LRRC8D: variants seen among roughly 807,000 people sequenced by gnomAD.
The protein encoded by LRRC8D is leucine rich repeat containing 8 VRAC subunit D, also known as volume-regulated anion channel subunit LRRC8D.
In LRRC8D, 20 loss-of-function variants were observed where a neutral mutation model predicts 55.8. The ratio of observed to expected loss-of-function variants is 0.36; its 90% CI spans 0.25 to 0.52. The LOEUF (loss-of-function observed/expected upper bound fraction) is 0.52, where lower values mean the gene tolerates loss of function less well. Among genes scored for constraint, LRRC8D ranks in the 20% least tolerant of loss-of-function variants. The probability of loss-of-function intolerance (pLI) is 0.93; values close to 1 mark genes in which losing one functional copy is unlikely to be tolerated. For synonymous variants in LRRC8D, 352 were observed against 377.0 expected (o/e 0.93, Z 0.77); for missense variants, 651 against 1,030.8 (o/e 0.63, Z 5.05).
chr1:89,882,446 A>G (rs907164245), intron 2 of LRRC8D, among the ~76,000 whole-genome samples: 2 of 152,236 alleles, frequency 1.3e-5, no homozygotes, highest in Non-Finnish European at 2.9e-5. Flanking sequence ...TAATACCTTT[A>G]TATTTACTCT....
At chr1:89,860,750 CTA>C (rs377471235) in intron 2 of LRRC8D, among the ~76,000 whole-genome samples, 26,407 of 75,182 alleles carry the variant, frequency 0.35, 3,986 homozygotes, top group African/African-American at 0.45. Context: ...GAGCAAGACT[CTA>C]TCTCAAAAAA....
chr1:89,862,827 T>C (rs528341205), intron 2 of LRRC8D, among the ~76,000 whole-genome samples: 8 of 152,332 alleles, frequency 5.3e-5, no homozygotes, highest in South Asian at 4.2e-4. Flanking sequence ...GATTTTACTG[T>C]AACAAATGAT....
At chr1:89,860,785 A>AAAAAAAAAATATATATATAT (rs1553123917) in intron 2 of LRRC8D, among the ~76,000 whole-genome samples, 1 of 28,198 alleles carries the variant, frequency 3.5e-5, no homozygotes, top group African/African-American at 1.0e-4. Flanking sequence ...AAAAAAAAAA[A>AAAAAAAAAATATATATATAT]ATATATATAT....
intron 2 of LRRC8D, among the ~76,000 whole-genome samples, chr1:89,897,448 G>T (rs1169682407): frequency 7.9e-5 from 12 of 152,100 alleles, no homozygotes. Context: ...AGATTGAGTT[G>T]GTGTAGTATA....
At chr1:89,905,544 C>A (rs764110258) in intron 2 of LRRC8D, among the ~76,000 whole-genome samples, 1 of 152,198 alleles carries the variant, frequency 6.6e-6, no homozygotes, top group Non-Finnish European at 1.5e-5. Flanking sequence ...CCTCTTTCCA[C>A]ACCAGTTAGA....
chr1:89,851,349 G>C (rs1195539820), intron 2 of LRRC8D, among the ~76,000 whole-genome samples: 1 of 152,094 alleles, frequency 6.6e-6, no homozygotes, highest in Non-Finnish European at 1.5e-5. Context: ...GTTTCAGCTT[G>C]ATTTTCTCCA....
chr1:89,845,526 G>T (rs781191894), intron 2 of LRRC8D, among the ~76,000 whole-genome samples: 2 of 151,926 alleles, frequency 1.3e-5, no homozygotes, highest in Non-Finnish European at 2.9e-5. Context: ...AATCTCTGCC[G>T]CCTGGGTTCA....
chr1:89,876,752 A>T (rs1424416140), intron 2 of LRRC8D, among the ~76,000 whole-genome samples: 1 of 152,248 alleles, frequency 6.6e-6, no homozygotes, highest in African/African-American at 2.4e-5. Context: ...GATGCTTTGC[A>T]CTACACTGAT....
At chr1:89,929,540 C>G (rs965962361) in intron 2 of LRRC8D, among the ~76,000 whole-genome samples, 6 of 152,212 alleles carry the variant, frequency 3.9e-5, no homozygotes, top group Non-Finnish European at 8.8e-5. Flanking sequence ...CCTCAGTACA[C>G]TGACTTTCAA....
intron 2 of LRRC8D, among the ~76,000 whole-genome samples, chr1:89,915,016 CTG>C (rs56870719): frequency 0.058 from 8,399 of 144,076 alleles, 230 homozygotes; most frequent in East Asian, 0.11. Context: ...TCTTGCTCTA[CTG>C]TGTGTGTGTG....
intron 2 of LRRC8D, among the ~76,000 whole-genome samples, chr1:89,902,697 G>C (rs1325320386): frequency 6.6e-6 from 1 of 151,750 alleles, no homozygotes; most frequent in Non-Finnish European, 1.5e-5. Flanking sequence ...CTAATTTTTT[G>C]TATTTTTAGT....
intron 1 of LRRC8D, among the ~76,000 whole-genome samples, chr1:89,823,043 A>G (rs1424724021): frequency 6.6e-6 from 1 of 152,222 alleles, no homozygotes; most frequent in Non-Finnish European, 1.5e-5. Flanking sequence ...CTATGGAGCC[A>G]GGGAAAAATT....
intron 2 of LRRC8D, among the ~76,000 whole-genome samples, chr1:89,896,214 T>C (rs1400044281): frequency 6.6e-6 from 1 of 151,682 alleles, no homozygotes; most frequent in East Asian, 1.9e-4. Flanking sequence ...GACTCCCTTG[T>C]GGGTGAGTGG....
At chr1:89,836,649 T>C (rs1258547915) in intron 1 of LRRC8D, among the ~76,000 whole-genome samples, 1 of 152,236 alleles carries the variant, frequency 6.6e-6, no homozygotes, top group Non-Finnish European at 1.5e-5. Context: ...GTCTTAACAT[T>C]TTAAACATGT....
At chr1:89,870,347 G>A (rs572979925) in intron 2 of LRRC8D, among the ~76,000 whole-genome samples, 2 of 149,130 alleles carry the variant, frequency 1.3e-5, no homozygotes, top group Non-Finnish European at 3.0e-5. Flanking sequence ...GTGGTGGCAC[G>A]TGCCTGTAGT....
intron 2 of LRRC8D, among the ~76,000 whole-genome samples, chr1:89,859,678 G>T (rs1661650029): frequency 6.6e-6 from 1 of 152,170 alleles, no homozygotes; most frequent in Non-Finnish European, 1.5e-5. Context: ...GGAAAGGATT[G>T]ATAGGCCCTA....
At chr1:89,856,297 T>C (rs539495136) in intron 2 of LRRC8D, among the ~76,000 whole-genome samples, 9 of 152,246 alleles carry the variant, frequency 5.9e-5, no homozygotes, top group Admixed American at 3.9e-4. Context: ...CACTGAACCA[T>C]ATTGAAAAAG....
In LRRC8D at chr1:89,934,419, T is replaced by A. The variant is rs762368280; in HGVS notation, c.1351T>A (p.Leu451Met). The change falls in exon 3 of 3, where the codon TTG (leucine) becomes ATG (methionine). Residue 451 changes from leucine to methionine, a missense_variant. Leu to Met is a conservative substitution (Grantham distance 15). Coordinates refer to ENST00000337338, the MANE Select transcript of LRRC8D (RefSeq NM_001134479.2). This position sits in a 1 kb window ranked among gnomAD's most constrained non-coding sequence, Gnocchi z 5.9. ...TGAAAATAAACTTAGGGAAATTAGT[T>A]TGAACCATGAGTGGACATTTGAAAA... ...VSENKLREIS[L>M]NHEWTFEKLR... The A allele has an allele frequency of 6.2e-7, 1 of 1,614,034 alleles. No individual in the cohort carries two copies. The highest frequency in any genetic ancestry group is 1.1e-5 in the South Asian group (1 of 91,084).
At chr1:89,890,699 C>T (rs140762961) in intron 2 of LRRC8D, among the ~76,000 whole-genome samples, 121 of 152,232 alleles carry the variant, frequency 7.9e-4, no homozygotes, top group Non-Finnish European at 1.5e-3. Context: ...CCTTACATAC[C>T]GTAGAACAAT....
Sources: allele counts gnomAD v4.1 joint callset (sites outside exome capture counted in the v4.1 genomes callset), GRCh38; gene constraint gnomAD v4.1.1; non-coding constraint Gnocchi (gnomAD v3.1); transcripts MANE v1.5; gene names NCBI Gene and HGNC (gene_info 2026-07-23, HGNC 2026-07-21).